The following GRIA1 variants were observed in gnomAD, a reference collection of about 807,000 sequenced individuals.
GRIA1 encodes glutamate ionotropic receptor AMPA type subunit 1.
GRIA1 carries 31 observed loss-of-function variants against 99.2 expected under a neutral mutation model. That is an observed-to-expected ratio of 0.31 (90% CI 0.23 to 0.42). The LOEUF (loss-of-function observed/expected upper bound fraction) is 0.42. GRIA1 is among the 10% of genes least tolerant of loss of function. The pLI, the probability that GRIA1 is intolerant of heterozygous loss-of-function variation, is 1.00. For missense variants in GRIA1, 782 were observed against 1,157.5 expected (o/e 0.68, Z 4.71); for synonymous variants, 438 against 432.4 (o/e 1.01, Z -0.16).
intron 2 of GRIA1, among the ~76,000 whole-genome samples, chr5:153,530,725 C>T (rs946709691): frequency 4.6e-5 from 7 of 152,224 alleles, no homozygotes; most frequent in East Asian, 1.9e-4. Context: ...GGGCTGCCCT[C>T]TCTGGTAAGG....
At chr5:153,764,394 G>A (rs556224396) in intron 11 of GRIA1, 40 bp from the exon 12 acceptor site, 1 of 1,513,324 alleles carries the variant, frequency 6.6e-7, no homozygotes, top group Non-Finnish European at 9.2e-7. Flanking sequence ...TTCCACAGTT[G>A]ATGTCCATGC....
chr5:153,648,965 T>A (rs1754349453), intron 3 of GRIA1, among the ~76,000 whole-genome samples: 1 of 152,186 alleles, frequency 6.6e-6, no homozygotes, highest in South Asian at 2.1e-4. Flanking sequence ...AATAGGGTAA[T>A]TATCCTGGAT....
intron 2 of GRIA1, among the ~76,000 whole-genome samples, chr5:153,627,419 C>T (rs1767735618): frequency 6.6e-6 from 1 of 152,168 alleles, no homozygotes; most frequent in Non-Finnish European, 1.5e-5. Context: ...AGGTGTCTAG[C>T]CCAGAGTAGA....
intron 15 of GRIA1, among the ~76,000 whole-genome samples, chr5:153,808,744 T>C (rs1766609375): frequency 6.6e-6 from 1 of 152,196 alleles, no homozygotes; most frequent in African/African-American, 2.4e-5. Flanking sequence ...TTGGGCTCCA[T>C]TTATCATTTC....
chr5:153,623,437 T>C (rs75465248), intron 2 of GRIA1, among the ~76,000 whole-genome samples: 1,573 of 152,230 alleles, frequency 0.01, 25 homozygotes, highest in African/African-American at 0.036. Context: ...TATTATATGT[T>C]AGCAAAGGTA....
At chr5:153,650,896 TA>T (rs71575151) in intron 4 of GRIA1, among the ~76,000 whole-genome samples, 3,802 of 70,066 alleles carry the variant, frequency 0.054, 75 homozygotes, top group African/African-American at 0.063. Context: ...CTGTCTCCAC[TA>T]AAAAAAAAAA....
chr5:153,514,857 G>A (rs937161867), intron 2 of GRIA1, among the ~76,000 whole-genome samples: 1 of 152,058 alleles, frequency 6.6e-6, no homozygotes, highest in African/African-American at 2.4e-5. Flanking sequence ...ATAAAAAAAT[G>A]TTCCACATCA....
intron 11 of GRIA1, among the ~76,000 whole-genome samples, chr5:153,725,554 C>T (rs1760456421): frequency 9.6e-6 from 1 of 104,426 alleles, no homozygotes; most frequent in Non-Finnish European, 1.9e-5. Context: ...GGAAGATCTA[C>T]CAAGCAAATG....
chr5:153,745,784 C>T (rs1762117826), intron 11 of GRIA1, among the ~76,000 whole-genome samples: 1 of 152,108 alleles, frequency 6.6e-6, no homozygotes, highest in Admixed American at 6.5e-5. Context: ...CTTCCAGACA[C>T]TTATCTCTGC....
At chr5:153,602,155 A>T (rs955007648) in intron 2 of GRIA1, among the ~76,000 whole-genome samples, 52 of 152,374 alleles carry the variant, frequency 3.4e-4, no homozygotes, top group African/African-American at 1.2e-3. Flanking sequence ...GATAGACTGG[A>T]TTAAGAAAAT....
chr5:153,597,699 T>C (rs1764546914), intron 2 of GRIA1, among the ~76,000 whole-genome samples: 1 of 152,196 alleles, frequency 6.6e-6, no homozygotes, highest in South Asian at 2.1e-4. Flanking sequence ...TAAAAAACCA[T>C]ACTTGCCCTC....
At chr5:153,674,279 A>T (rs1756407945) in intron 5 of GRIA1, among the ~76,000 whole-genome samples, 1 of 152,236 alleles carries the variant, frequency 6.6e-6, no homozygotes, top group Admixed American at 6.5e-5. Flanking sequence ...TATGCATAGC[A>T]GCGCCAGCAC....
intron 15 of GRIA1, among the ~76,000 whole-genome samples, chr5:153,806,766 A>G (rs759566189): frequency 6.6e-6 from 1 of 152,230 alleles, no homozygotes; most frequent in Non-Finnish European, 1.5e-5. Context: ...AGTAACTTTT[A>G]TGTTCAAAGT....
At chr5:153,593,032 G>A (rs545721522) in intron 2 of GRIA1, among the ~76,000 whole-genome samples, 20 of 152,312 alleles carry the variant, frequency 1.3e-4, no homozygotes, top group Admixed American at 8.5e-4. Context: ...TTGGGAGGCC[G>A]AGGTGGGTGG....
chr5:153,683,509 C>T (rs1325196462), intron 7 of GRIA1, among the ~76,000 whole-genome samples: 1 of 152,156 alleles, frequency 6.6e-6, no homozygotes, highest in African/African-American at 2.4e-5. Flanking sequence ...TTTCTGTGAA[C>T]ATGAAATAAG....
chr5:153,491,255 A>G, intron 1 of GRIA1: 1 of 1,340,352 alleles, frequency 7.5e-7, no homozygotes, highest in Non-Finnish European at 9.6e-7. Flanking sequence ...GAAAAAAAAA[A>G]TCAGGCTGGA....
At chr5:153,601,338 C>A (rs571996301) in intron 2 of GRIA1, among the ~76,000 whole-genome samples, 1 of 152,324 alleles carries the variant, frequency 6.6e-6, no homozygotes, top group Non-Finnish European at 1.5e-5. Context: ...TACTTTTTAA[C>A]TTCTTATTTC....
chr5:153,598,153 T>C (rs548233086), intron 2 of GRIA1, among the ~76,000 whole-genome samples: 1 of 151,926 alleles, frequency 6.6e-6, no homozygotes, highest in Non-Finnish European at 1.5e-5. Flanking sequence ...AATAATATAC[T>C]ATCACATGTT....
chr5:153,677,496 T>C (rs982358516), intron 7 of GRIA1, among the ~76,000 whole-genome samples: 15 of 152,176 alleles, frequency 9.9e-5, no homozygotes, highest in Non-Finnish European at 1.9e-4. Flanking sequence ...CTGGAAACAC[T>C]CCCCTCTTGC....
Sources: allele counts gnomAD v4.1 joint callset (sites outside exome capture counted in the v4.1 genomes callset), GRCh38; gene constraint gnomAD v4.1.1; transcripts MANE v1.5; gene names NCBI Gene and HGNC (gene_info 2026-07-23, HGNC 2026-07-21).